Variants in TMTC3 observed in about 807,000 individuals in gnomAD.
TMTC3 encodes protein O-mannosyl-transferase TMTC3.
TMTC3 carries 52 observed loss-of-function variants against 92.2 expected under a neutral mutation model. That is an observed-to-expected ratio of 0.56 (90% CI 0.45 to 0.71). The LOEUF is 0.71. Among genes scored for constraint, TMTC3 ranks in the 30% least tolerant of loss-of-function variants. The pLI is 0.00. For missense variants in TMTC3, 896 were observed against 1,057.1 expected (o/e 0.85, Z 2.11); for synonymous variants, 339 against 363.3 (o/e 0.93, Z 0.76).
chr12:88,151,710 C>T (rs1376329700), intron 2 of TMTC3, among the ~76,000 whole-genome samples: 1 of 152,170 alleles, frequency 6.6e-6, no homozygotes, highest in African/African-American at 2.4e-5. Context: ...TGAGTACATC[C>T]TTTCACCTAG....
At chr12:88,192,169 C>G (rs2041451904) in intron 12 of TMTC3, among the ~76,000 whole-genome samples, 1 of 151,772 alleles carries the variant, frequency 6.6e-6, no homozygotes, top group South Asian at 2.1e-4. Context: ...TGGAATTTCT[C>G]TTACCACTAC....
chr12:88,160,658 A>G, intron 5 of TMTC3, 21 bp from the exon 6 acceptor site: 1 of 1,608,730 alleles, frequency 6.2e-7, no homozygotes, highest in Non-Finnish European at 8.5e-7. Flanking sequence ...TGTTGCTTAA[A>G]ACATTTCTTT....
chr12:88,145,043 A>G (rs1565940410), intron 1 of TMTC3, among the ~76,000 whole-genome samples: 1 of 152,138 alleles, frequency 6.6e-6, no homozygotes, highest in Non-Finnish European at 1.5e-5. Context: ...TCACTTCACA[A>G]GAAGGCCTCA....
rs1023466663 is a variant in TMTC3, at chr12:88,199,244, A to G, written c.*3595A>G. On this transcript the variant is annotated 3_prime_UTR_variant, in exon 14 of 14. Transcript: ENST00000266712. The stretch of plus-strand genomic sequence containing the variant: ...GGAATTTTATACGAATTTCATTTCT[A>G]TATGTGCCTGGTATTGCCTCTGGCA... 2.0e-5 allele frequency: 3 copies of G among 152,050 alleles called. No homozygotes were observed. Among genetic ancestry groups the G allele is most frequent in the African/African-American group, 7.2e-5 (3 of 41,430 alleles). 9.4% of individuals were successfully genotyped at this position (152,050 alleles called of 1,614,324 possible).
chr12:88,155,673 T>C (rs934124512), intron 4 of TMTC3, among the ~76,000 whole-genome samples: 2 of 152,226 alleles, frequency 1.3e-5, no homozygotes, highest in African/African-American at 4.8e-5. Flanking sequence ...AGCTTAAGTA[T>C]TTCTGTCTTA....
At chr12:88,145,073 T>C (rs2040856121) in intron 1 of TMTC3, among the ~76,000 whole-genome samples, 2 of 152,164 alleles carry the variant, frequency 1.3e-5, no homozygotes, top group African/African-American at 4.8e-5. Context: ...ATTGCTTACC[T>C]TTGTTCTCTG....
In TMTC3 at chr12:88,154,365, A is replaced by G. The variant is rs1445258811; in HGVS notation, c.486A>G (p.Ser162=). The G allele has an allele frequency of 6.2e-7, 1 of 1,605,144 alleles. No individual in the cohort carries two copies. The stretch of plus-strand genomic sequence containing the variant: ...CAGCTTTTTTGTCATATACCAGATC[A>G]AAAGGACCAGACAATTCCATAAGTA... ...FLAAFLSYTR[S]KGPDNSIIWT... Residue 162 remains serine (S), a synonymous_variant, in exon 4 of 14, where the codon TCA becomes TCG. Transcript: ENST00000266712.
Position 88,195,026 on chromosome 12 carries a change from C to G in TMTC3, c.2122C>G (p.Leu708Val). 6.2e-7 allele frequency: 1 copy of G among 1,613,816 alleles called. No individual in the cohort carries two copies. Among genetic ancestry groups the G allele is most frequent in the Non-Finnish European group, 8.5e-7 (1 of 1,179,896 alleles). ...QADFRSALFN[L>V]ALLYSQTAKE... ...CGACTTCCGAAGTGCTTTGTTTAATCTGGCTCTCCTGTATTCCCAGACTGC... is the reference window on the plus strand; with the variant it reads ...CGACTTCCGAAGTGCTTTGTTTAATGTGGCTCTCCTGTATTCCCAGACTGC... The change falls in exon 14 of 14, where the codon CTG (leucine) becomes GTG (valine). Residue 708 changes from leucine to valine, a missense_variant. Physicochemically the swap from Leu to Val is conservative, Grantham distance 32. Coordinates refer to ENST00000266712, the MANE Select transcript of TMTC3 (RefSeq NM_181783.4).
intron 2 of TMTC3, among the ~76,000 whole-genome samples, chr12:88,151,941 T>A (rs1592723107): frequency 6.6e-6 from 1 of 152,308 alleles, no homozygotes; most frequent in East Asian, 1.9e-4. Context: ...AGTACAGAGA[T>A]ACTAAAATGT....
In TMTC3 at chr12:88,144,018, TAATGCATTA is replaced by T. The variant is rs1565939727; in HGVS notation, c.-29+1532_-29+1540del. Reference sequence around the variant, plus strand: ...CTGGTGGGAGTGTCTTTTAGGATGCTAATGCATTATAATTAGTGTATAATGAGCAGTGAG... The same window carrying T: ...CTGGTGGGAGTGTCTTTTAGGATGCTTAATTAGTGTATAATGAGCAGTGAG... On this transcript the variant is annotated intron_variant, in intron 1 of 13. Transcript: ENST00000266712. 3.9e-5 allele frequency among the ~76,000 whole-genome samples: 6 copies of T among 152,320 alleles called. No homozygotes were observed. The South Asian group carries it at 1.2e-3, about 32-fold the overall frequency.
At chr12:88,166,698 C>A in intron 7 of TMTC3, 116 bp downstream of exon 7, 1 of 1,149,098 alleles carries the variant, frequency 8.7e-7, no homozygotes, top group Non-Finnish European at 1.2e-6. Flanking sequence ...TGTTCAACGG[C>A]ATCCCAATTT....
In TMTC3 at chr12:88,198,915, T is replaced by C. The variant is rs1229400715; in HGVS notation, c.*3266T>C. The C allele has an allele frequency of 1.3e-5, 2 of 152,242 alleles. No individual in the cohort carries two copies. Among genetic ancestry groups the C allele is most frequent in the Admixed American group, 1.3e-4 (2 of 15,268 alleles). The allele number at this position is 152,242 out of a possible 1,614,324, so 9.4% of individuals were successfully genotyped here. ...TTATCTGTTGGAAGCCGCCAGCCAT[T>C]CATGTAGAGAGTTTATAAGAAAATA... On this transcript the variant is annotated 3_prime_UTR_variant, in exon 14 of 14. Coordinates refer to ENST00000266712, the MANE Select transcript of TMTC3 (RefSeq NM_181783.4).
chr12:88,174,481 A>G (rs2041238048), intron 8 of TMTC3, 126 bp from the exon 9 acceptor site: 4 of 1,127,790 alleles, frequency 3.5e-6, no homozygotes, highest in Non-Finnish European at 3.6e-6. Flanking sequence ...ATTAGAATGA[A>G]TTAGAATAAA....
At chr12:88,143,930 C>T (rs1371404445) in intron 1 of TMTC3, among the ~76,000 whole-genome samples, 1 of 152,088 alleles carries the variant, frequency 6.6e-6, no homozygotes, top group African/African-American at 2.4e-5. Context: ...GTGTTCCTCC[C>T]CTTTTTAGAC....
At position 88,198,063 on chromosome 12, in the gene TMTC3, T is replaced by C; in HGVS notation, c.*2414T>C. 3 of 343,296 alleles carry C rather than the reference T, an allele frequency of 8.7e-6. No individual in the cohort carries two copies. In the East Asian group the frequency reaches 1.3e-4, roughly 15 times the overall value. The allele number at this position is 343,296 out of a possible 1,614,324, so 21.3% of individuals were successfully genotyped here. On this transcript the variant is annotated 3_prime_UTR_variant, in exon 14 of 14. Transcript: ENST00000266712. ...TAAATTCCACTAAAGAACATATTCT[T>C]CTAATAACTAGCATTTATTACATGA...
chr12:88,188,144 C>A (rs553554720), intron 10 of TMTC3, among the ~76,000 whole-genome samples: 10 of 152,238 alleles, frequency 6.6e-5, no homozygotes, highest in Non-Finnish European at 8.8e-5. Context: ...GCCACTGCAT[C>A]TTAAGTAATA....
At chr12:88,154,129 A>G (rs571392934) in intron 3 of TMTC3, among the ~76,000 whole-genome samples, 159 bp from the exon 4 acceptor site, 1 of 152,228 alleles carries the variant, frequency 6.6e-6, no homozygotes, top group South Asian at 2.1e-4. Flanking sequence ...CTATTTATGT[A>G]AGATTCACAA....
Position 88,196,544 on chromosome 12 carries a change from G to T in TMTC3, c.*895G>T, listed in dbSNP as rs1010515971. 109 of 151,742 alleles carry T rather than the reference G, an allele frequency of 7.2e-4. 1 individual carries two copies. The highest frequency in any genetic ancestry group is 2.5e-3 in the African/African-American group (105 of 41,454). The allele number at this position is 151,742 out of a possible 1,614,324, so 9.4% of individuals were successfully genotyped here. A position where few individuals can be genotyped will look rare whatever the true frequency, so the allele number is the denominator to read the frequency against. ...GTGTTAGCTCTGTAGTCTTAACCTGGATTTTAATTTTTTTGTTTCCAAAGT... is the reference window on the plus strand; with the variant it reads ...GTGTTAGCTCTGTAGTCTTAACCTGTATTTTAATTTTTTTGTTTCCAAAGT... On this transcript the variant is annotated 3_prime_UTR_variant, in exon 14 of 14. Coordinates refer to ENST00000266712, the MANE Select transcript of TMTC3 (RefSeq NM_181783.4).
chr12:88,194,794 T>G, intron 13 of TMTC3, 44 bp from the exon 14 acceptor site: 1 of 1,251,076 alleles, frequency 8.0e-7, no homozygotes, highest in Non-Finnish European at 1.1e-6. Flanking sequence ...TCACATTTAA[T>G]TATTTTATTA....
Sources: allele counts gnomAD v4.1 joint callset (sites outside exome capture counted in the v4.1 genomes callset), GRCh38; gene constraint gnomAD v4.1.1; transcripts MANE v1.5; gene names NCBI Gene and HGNC (gene_info 2026-07-23, HGNC 2026-07-21).